Variants in AVL9 observed in about 807,000 individuals in gnomAD.
AVL9 encodes the protein late secretory pathway protein AVL9 homolog.
A neutral mutation model predicts 79.2 loss-of-function variants in AVL9; 49 were observed. The observed-to-expected ratio is 0.62, with a 90% CI of 0.49 to 0.79. The LOEUF (loss-of-function observed/expected upper bound fraction) is 0.79, where lower values mean the gene tolerates loss of function less well. Among genes scored for constraint, AVL9 ranks in the 30% least tolerant of loss-of-function variants. The probability of loss-of-function intolerance (pLI) is 0.00; values close to 1 mark genes in which losing one functional copy is unlikely to be tolerated. For missense variants in AVL9, 682 were observed against 776.8 expected (o/e 0.88, Z 1.45); for synonymous variants, 299 against 280.6 (o/e 1.07, Z -0.65).
At chr7:32,497,068 C>T (rs576742198) in intron 1 of AVL9, among the ~76,000 whole-genome samples, 1 of 152,294 alleles carries the variant, frequency 6.6e-6, no homozygotes, top group African/African-American at 2.4e-5. Flanking sequence ...CCACTGCACT[C>T]CAGCCTGGGT....
At chr7:32,562,161 T>C (rs1246375571) in intron 10 of AVL9, among the ~76,000 whole-genome samples, 1 of 152,122 alleles carries the variant, frequency 6.6e-6, no homozygotes, top group Non-Finnish European at 1.5e-5. Flanking sequence ...GTTGGGAAAA[T>C]GGCACTGACA....
chr7:32,570,025 T>C lies in AVL9; in HGVS notation c.1221T>C (p.Tyr407=), dbSNP rs1562795248. ...ATTACTCTTCTAATTCATAGGGATA[T>C]CTGTGTTTGCCTTACATGGCATTGC... The part of the protein sequence containing the change: ...GMPLAIFTKG[Y]LCLPYMALQQ... Residue 407 remains tyrosine, a synonymous_variant, in exon 11 of 16, where the codon TAT becomes TAC. Transcript: ENST00000318709. 1 of 1,614,214 alleles carries C rather than the reference T, an allele frequency of 6.2e-7. No homozygotes were observed. Among genetic ancestry groups the C allele is most frequent in the Non-Finnish European group, 8.5e-7 (1 of 1,180,020 alleles).
In AVL9 at chr7:32,586,472, C is replaced by CCCAA. The variant is rs34422070; in HGVS notation, c.*2566_*2567insCAAC. The CCCAA allele has an allele frequency of 2.1e-5, 3 of 142,958 alleles. No individual in the cohort carries two copies. The highest frequency in any genetic ancestry group is 6.9e-5 in the Admixed American group (1 of 14,486). The allele number at this position is 142,958 out of a possible 1,614,324, so 8.9% of individuals were successfully genotyped here. ...CCCCTGGTCCTGTGACCCCCCCCCC[C>CCCAA]CACACACACACATACTTCAGGCTTG... On this transcript the variant is annotated 3_prime_UTR_variant, in exon 16 of 16. Coordinates refer to ENST00000318709, the MANE Select transcript of AVL9 (RefSeq NM_015060.3).
intron 1 of AVL9, among the ~76,000 whole-genome samples, chr7:32,499,115 ATCTGCCTACTGCACT>A (rs1787002545): frequency 6.6e-6 from 1 of 151,884 alleles, no homozygotes; most frequent in African/African-American, 2.4e-5. Context: ...GTGAGCGAAG[ATCTGCCTACTGCACT>A]CCAGCCTGGG....
intron 1 of AVL9, among the ~76,000 whole-genome samples, chr7:32,515,323 T>C (rs1787861169): frequency 6.6e-6 from 1 of 152,174 alleles, no homozygotes; most frequent in African/African-American, 2.4e-5. Flanking sequence ...CTCTGACAAA[T>C]CTATTGATAT....
chr7:32,549,367 G>GGCAT (rs1371633679), intron 4 of AVL9, among the ~76,000 whole-genome samples: 18 of 151,652 alleles, frequency 1.2e-4, no homozygotes, highest in African/African-American at 4.3e-4. Context: ...TGGGACCACA[G>GGCAT]GCATGCACTA....
At chr7:32,562,895 C>T (rs1322431356) in intron 10 of AVL9, among the ~76,000 whole-genome samples, 1 of 152,196 alleles carries the variant, frequency 6.6e-6, no homozygotes, top group Non-Finnish European at 1.5e-5. Context: ...GCACTCCAGC[C>T]TGAGCTTTAC....
intron 1 of AVL9, among the ~76,000 whole-genome samples, chr7:32,531,411 T>TC: frequency 6.6e-6 from 1 of 152,226 alleles, no homozygotes; most frequent in Non-Finnish European, 1.5e-5. Flanking sequence ...ATATACATGT[T>TC]AATGAACATG....
At chr7:32,561,948 A>T (rs1202619633) in intron 10 of AVL9, among the ~76,000 whole-genome samples, 1 of 152,224 alleles carries the variant, frequency 6.6e-6, no homozygotes, top group Non-Finnish European at 1.5e-5. Flanking sequence ...AGGAATGGCC[A>T]GTCAGTGGAG....
Position 32,546,715 on chromosome 7 carries a change from C to T in AVL9, c.300+1936C>T, listed in dbSNP as rs529990684. Among the ~76,000 whole-genome samples, 50 of 151,866 alleles carry T rather than the reference C, an allele frequency of 3.3e-4. 1 individual carries two copies. The Middle Eastern group carries it at 0.02, about 62-fold the overall frequency. ...GCGCACGCCTGTAGTCCCAGCTACT[C>T]GGGAGGCTGAGGCAGGAGAACTGCT... On this transcript the variant is annotated intron_variant, in intron 3 of 15. Coordinates refer to ENST00000318709, the MANE Select transcript of AVL9 (RefSeq NM_015060.3).
chr7:32,577,752 T>C (rs1791165853), intron 13 of AVL9, among the ~76,000 whole-genome samples: 1 of 152,150 alleles, frequency 6.6e-6, no homozygotes, highest in South Asian at 2.1e-4. Context: ...GATTATGAAA[T>C]AGTGCTTAGA....
chr7:32,575,332 C>T lies in AVL9; in HGVS notation c.1571-623C>T, dbSNP rs1791041968. ...CAGGCTGGTCTCGAACTCCTGACCT[C>T]CAGTGATCCGCCCTCCTCGACCTCC... On this transcript the variant is annotated intron_variant, in intron 12 of 15. Coordinates refer to ENST00000318709, the MANE Select transcript of AVL9 (RefSeq NM_015060.3). Among the ~76,000 whole-genome samples the T allele has an allele frequency of 2.0e-5, 3 of 152,150 alleles. No individual in the cohort carries two copies. The South Asian group carries it at 6.2e-4, about 32-fold the overall frequency.
At chr7:32,535,089 C>T in intron 1 of AVL9, 1 of 152,172 alleles carries the variant, frequency 6.6e-6, no homozygotes. Flanking sequence ...TTCAGAGCTT[C>T]TCCTGTGTCT....
chr7:32,543,093 G>A (rs1226798743), intron 1 of AVL9, 48 bp from the exon 2 acceptor site: 2 of 1,608,644 alleles, frequency 1.2e-6, no homozygotes, highest in Non-Finnish European at 1.7e-6. Flanking sequence ...AGAATAAAAT[G>A]CTTCCTTTGG....
rs1402439429 is a variant in AVL9 at position 32,555,298 on chromosome 7, G to A, written c.609+702G>A. ...GTAGAGATTACAGTGAGCTGAGATC[G>A]TGCCACTACACTCCAGCCTGCAAAC... On this transcript the variant is annotated intron_variant, in intron 8 of 15. Coordinates refer to ENST00000318709, the MANE Select transcript of AVL9 (RefSeq NM_015060.3). 3.3e-5 allele frequency among the ~76,000 whole-genome samples: 5 copies of A among 152,156 alleles called. No individual in the cohort carries two copies. The South Asian group carries it at 6.2e-4, about 19-fold the overall frequency.
At position 32,495,693 on chromosome 7, in the gene AVL9, G is replaced by A; in HGVS notation, c.-17G>A. 4.8e-6 allele frequency: 6 copies of A among 1,254,764 alleles called. No homozygotes were observed. Among genetic ancestry groups the A allele is most frequent in the Non-Finnish European group, 6.1e-6 (6 of 990,370 alleles). The allele number at this position is 1,254,764 out of a possible 1,614,324, so 77.7% of individuals were successfully genotyped here. ...CTTGGCGGTCGAAGTCGTCGTGCGGGCCCGCGGCGGCCGCCCATGGAGAAG... is the reference window on the plus strand; with the variant it reads ...CTTGGCGGTCGAAGTCGTCGTGCGGACCCGCGGCGGCCGCCCATGGAGAAG... On this transcript the variant is annotated 5_prime_UTR_variant, in exon 1 of 16. Transcript: ENST00000318709.
intron 1 of AVL9, among the ~76,000 whole-genome samples, chr7:32,510,765 C>T (rs1384498756): frequency 2.9e-5 from 3 of 104,776 alleles, no homozygotes; most frequent in Non-Finnish European, 4.2e-5. Flanking sequence ...ATTTGTGAGC[C>T]GTCAGGTCTG....
chr7:32,516,644 T>C (rs1428918223), intron 1 of AVL9, among the ~76,000 whole-genome samples: 5 of 152,042 alleles, frequency 3.3e-5, no homozygotes, highest in Non-Finnish European at 7.4e-5. Context: ...GGTCATTCCA[T>C]GCTTTGAGCC....
At chr7:32,525,528 G>T (rs576743432) in intron 1 of AVL9, among the ~76,000 whole-genome samples, 77 of 152,240 alleles carry the variant, frequency 5.1e-4, no homozygotes, top group Middle Eastern at 3.4e-3. Flanking sequence ...GGGCTAGAGA[G>T]AAATTGTTTC....
Sources: allele counts gnomAD v4.1 joint callset (sites outside exome capture counted in the v4.1 genomes callset), GRCh38; gene constraint gnomAD v4.1.1; transcripts MANE v1.5; gene names NCBI Gene and HGNC (gene_info 2026-07-23, HGNC 2026-07-21).